Variants in CTNNA2 observed in about 807,000 individuals in gnomAD.
CTNNA2 encodes the protein catenin alpha-2.
CTNNA2 carries 42 observed loss-of-function variants against 101.0 expected under a neutral mutation model. The observed-to-expected ratio is 0.42, with a 90% CI of 0.32 to 0.54. The LOEUF is 0.54. Among genes scored for constraint, CTNNA2 ranks in the 20% least tolerant of loss-of-function variants. CTNNA2 has a pLI of 0.14. For missense variants in CTNNA2, 871 were observed against 1,223.1 expected (o/e 0.71, Z 4.29); for synonymous variants, 450 against 456.4 (o/e 0.99, Z 0.18).
intron 9 of CTNNA2, among the ~76,000 whole-genome samples, chr2:80,501,882 G>A (rs911167863): frequency 6.6e-6 from 1 of 152,166 alleles, no homozygotes; most frequent in African/African-American, 2.4e-5. Flanking sequence ...GGAATCTACA[G>A]GGAGTTGCAT....
chr2:80,559,878 T>TATCTATCTATCTATCTATATATATATC (rs1693393440), intron 12 of CTNNA2, among the ~76,000 whole-genome samples: 1 of 113,936 alleles, frequency 8.8e-6, no homozygotes, highest in African/African-American at 3.0e-5. Flanking sequence ...GATATCATAT[T>TATCTATCTATCTATCTATATATATATC]TATATATATA....
chr2:80,564,521 TTTTTTA>T lies in CTNNA2; in HGVS notation c.1741+8629_1741+8634del, dbSNP rs1432517750. Among the ~76,000 whole-genome samples the T allele has an allele frequency of 2.1e-3, 317 of 152,192 alleles. 1 individual carries two copies. Among genetic ancestry groups the T allele is most frequent in the Middle Eastern group, 6.8e-3 (2 of 294 alleles). On this transcript the variant is annotated intron_variant, in intron 12 of 18. Transcript: ENST00000402739. ...TGGAATTTAGAGAGTTTTTTTTTTT[TTTTTTA>T]CCCCCTCCTTCTAGGCAGTCCTTCT...
intron 2 of CTNNA2, among the ~76,000 whole-genome samples, chr2:79,688,745 G>T (rs191591380): frequency 6.6e-6 from 1 of 152,212 alleles, no homozygotes; most frequent in Non-Finnish European, 1.5e-5. Context: ...GCAATGAGAA[G>T]CTGAGAAGAG....
intron 7 of CTNNA2, among the ~76,000 whole-genome samples, chr2:80,054,532 G>C (rs1482114579): frequency 6.6e-6 from 1 of 152,202 alleles, no homozygotes; most frequent in Non-Finnish European, 1.5e-5. Flanking sequence ...AAGGTGGAGT[G>C]TTGGGTGCCA....
chr2:79,787,413 G>A (rs1346954032), intron 3 of CTNNA2, among the ~76,000 whole-genome samples: 1 of 152,034 alleles, frequency 6.6e-6, no homozygotes, highest in Non-Finnish European at 1.5e-5. Flanking sequence ...GTAAAGATGA[G>A]CTTAGCAGGG....
intron 4 of CTNNA2, among the ~76,000 whole-genome samples, chr2:79,459,302 C>A (rs555163020): frequency 3.3e-5 from 5 of 152,056 alleles, no homozygotes; most frequent in South Asian, 2.1e-4. Context: ...ATCTAGTTTA[C>A]TTTTAACATT....
chr2:80,574,448 G>A (rs1694869830), intron 13 of CTNNA2, 134 bp downstream of exon 13: 5 of 1,050,612 alleles, frequency 4.8e-6, no homozygotes, highest in South Asian at 2.4e-5. Context: ...TTATTAGTCA[G>A]ACAAGGTGAG....
At chr2:80,321,488 A>G (rs1573710521) in intron 7 of CTNNA2, among the ~76,000 whole-genome samples, 1 of 152,390 alleles carries the variant, frequency 6.6e-6, no homozygotes, top group East Asian at 1.9e-4. Context: ...GGTTAGAGCT[A>G]GTGATTTGTC....
intron 2 of CTNNA2, among the ~76,000 whole-genome samples, chr2:79,200,645 A>G (rs1674022160): frequency 6.6e-6 from 1 of 152,194 alleles, no homozygotes; most frequent in Admixed American, 6.5e-5. Flanking sequence ...AACAGAATTC[A>G]TTCAATTGAG....
At chr2:79,531,683 ATTT>A (rs1261877234) in intron 1 of CTNNA2, among the ~76,000 whole-genome samples, 2 of 143,002 alleles carry the variant, frequency 1.4e-5, no homozygotes, top group Admixed American at 1.4e-4. Context: ...ATGTTAGTAA[ATTT>A]TTTTTTTTTT....
chr2:79,920,852 A>C (rs1574315406), intron 7 of CTNNA2, among the ~76,000 whole-genome samples: 1 of 152,322 alleles, frequency 6.6e-6, no homozygotes, highest in Admixed American at 6.5e-5. Context: ...CTTGCTTTTC[A>C]GTTCAAAGGG....
intron 18 of CTNNA2, among the ~76,000 whole-genome samples, chr2:80,642,012 A>G (rs1195616724): frequency 6.6e-6 from 1 of 152,164 alleles, no homozygotes; most frequent in Non-Finnish European, 1.5e-5. Flanking sequence ...ATTTACTCCC[A>G]TAAATACAAC....
At chr2:79,999,551 C>A (rs1692789519) in intron 7 of CTNNA2, among the ~76,000 whole-genome samples, 1 of 152,040 alleles carries the variant, frequency 6.6e-6, no homozygotes, top group Admixed American at 6.6e-5. Context: ...CCACATTTCA[C>A]AAGCCTAGAT....
At chr2:79,974,518 TA>T (rs1690702695) in intron 7 of CTNNA2, among the ~76,000 whole-genome samples, 1 of 152,192 alleles carries the variant, frequency 6.6e-6, no homozygotes, top group Non-Finnish European at 1.5e-5. Flanking sequence ...CACATTTAAG[TA>T]AAGTTCTTCA....
intron 7 of CTNNA2, among the ~76,000 whole-genome samples, chr2:79,971,392 TAATG>T (rs534866683): frequency 5.0e-4 from 76 of 152,258 alleles, no homozygotes; most frequent in African/African-American, 1.7e-3. Context: ...TTTCCTGAAT[TAATG>T]GTGTTTTTCT....
At chr2:80,099,930 A>AT (rs997550776) in intron 7 of CTNNA2, among the ~76,000 whole-genome samples, 3 of 151,400 alleles carry the variant, frequency 2.0e-5, no homozygotes, top group Non-Finnish European at 2.9e-5. Flanking sequence ...TTGAATCTTT[A>AT]TTTTTTTTGT....
At chr2:79,983,388 A>G (rs115145557) in intron 7 of CTNNA2, among the ~76,000 whole-genome samples, 122 of 152,158 alleles carry the variant, frequency 8.0e-4, no homozygotes, top group African/African-American at 2.7e-3. Flanking sequence ...AATAATAAAC[A>G]TTTTTATAAA....
chr2:80,476,971 A>T (rs1685778024), intron 9 of CTNNA2, among the ~76,000 whole-genome samples: 1 of 152,190 alleles, frequency 6.6e-6, no homozygotes, highest in African/African-American at 2.4e-5. Flanking sequence ...CCAGGCAAAA[A>T]AGCAAAAATC....
chr2:79,517,406 C>G (rs1035535435), intron 1 of CTNNA2, among the ~76,000 whole-genome samples: 1 of 151,974 alleles, frequency 6.6e-6, no homozygotes, highest in African/African-American at 2.4e-5. Flanking sequence ...TTTTGTAGTT[C>G]AAATAATATA....
Sources: gnomAD v4.1 joint callset for allele counts (sites outside exome capture counted in the v4.1 genomes callset) on GRCh38, gnomAD v4.1.1 for gene constraint, MANE v1.5 for transcripts, NCBI Gene and HGNC (gene_info 2026-07-23, HGNC 2026-07-21) for gene names.